FSTL5: variants seen among roughly 807,000 people sequenced by gnomAD.
FSTL5 encodes the protein follistatin-related protein 5.
A neutral mutation model predicts 89.1 loss-of-function variants in FSTL5; 62 were observed. The ratio of observed to expected loss-of-function variants is 0.70; its 90% CI spans 0.57 to 0.86. FSTL5 has a LOEUF of 0.86. Among genes scored for constraint, FSTL5 ranks in the 40% least tolerant of loss-of-function variants. FSTL5 has a pLI of 0.00. For missense variants in FSTL5, 1,057 were observed against 1,001.6 expected (o/e 1.06, Z -0.75); for synonymous variants, 383 against 346.2 (o/e 1.11, Z -1.18).
chr4:161,798,775 G>A (rs996160745), intron 4 of FSTL5, among the ~76,000 whole-genome samples: 7 of 151,554 alleles, frequency 4.6e-5, no homozygotes, highest in Non-Finnish European at 7.4e-5. Context: ...AAGATGAGAC[G>A]AGCCTAATTT....
At chr4:162,104,387 G>C (rs997211229) in intron 2 of FSTL5, among the ~76,000 whole-genome samples, 12 of 152,160 alleles carry the variant, frequency 7.9e-5, no homozygotes, top group Non-Finnish European at 1.2e-4. Flanking sequence ...CACGAGGCTT[G>C]CCACCATCTT....
At chr4:161,601,516 C>T (rs1488732762) in intron 7 of FSTL5, among the ~76,000 whole-genome samples, 2 of 151,984 alleles carry the variant, frequency 1.3e-5, no homozygotes, top group Non-Finnish European at 2.9e-5. Flanking sequence ...ATATAACTAC[C>T]TAAGGTTGAT....
chr4:161,390,442 GA>G (rs1166448153), intron 15 of FSTL5, among the ~76,000 whole-genome samples: 1 of 152,112 alleles, frequency 6.6e-6, no homozygotes, highest in Non-Finnish European at 1.5e-5. Flanking sequence ...CACAAAGCCT[GA>G]TAGAGTCAGT....
chr4:161,915,743 A>T (rs952843297), intron 4 of FSTL5, among the ~76,000 whole-genome samples: 6 of 151,796 alleles, frequency 4.0e-5, no homozygotes, highest in Admixed American at 2.6e-4. Flanking sequence ...ATCAACATGC[A>T]GTTTCAATTG....
At chr4:161,517,000 T>C (rs1213305708) in intron 10 of FSTL5, among the ~76,000 whole-genome samples, 1 of 152,140 alleles carries the variant, frequency 6.6e-6, no homozygotes, top group Non-Finnish European at 1.5e-5. Flanking sequence ...GCGATTCTTG[T>C]GCCTCAGCCT....
chr4:161,582,631 C>T (rs1733474413), intron 8 of FSTL5, among the ~76,000 whole-genome samples: 1 of 152,160 alleles, frequency 6.6e-6, no homozygotes, highest in Admixed American at 6.5e-5. Flanking sequence ...TAACTTACCC[C>T]ACCATTTCTA....
chr4:161,887,210 G>A lies in FSTL5; in HGVS notation c.409+33194C>T, dbSNP rs558026119. Among the ~76,000 whole-genome samples, 8 of 152,214 alleles carry A rather than the reference G, an allele frequency of 5.3e-5. No homozygotes were observed. The South Asian group carries it at 1.7e-3, about 32-fold the overall frequency. On this transcript the variant is annotated intron_variant, in intron 4 of 15. Coordinates refer to ENST00000306100, the MANE Select transcript of FSTL5 (RefSeq NM_020116.5). ...GCACAAATAAATTAAATTAAACATTGAGACCTCTGCTCAGAAAAGAACAAA... is the reference window on the plus strand; with the variant it reads ...GCACAAATAAATTAAATTAAACATTAAGACCTCTGCTCAGAAAAGAACAAA...
chr4:162,080,031 A>G (rs1243170026), intron 2 of FSTL5, among the ~76,000 whole-genome samples: 1 of 151,496 alleles, frequency 6.6e-6, no homozygotes, highest in Non-Finnish European at 1.5e-5. Flanking sequence ...TATGATACCA[A>G]CTTCAATCAG....
chr4:161,549,358 T>C (rs1430040796), intron 8 of FSTL5, among the ~76,000 whole-genome samples: 1 of 151,730 alleles, frequency 6.6e-6, no homozygotes, highest in Non-Finnish European at 1.5e-5. Flanking sequence ...TGTAAAACAA[T>C]ATATATCAGA....
chr4:161,786,130 A>G (rs1047883414), intron 4 of FSTL5, among the ~76,000 whole-genome samples: 12 of 152,086 alleles, frequency 7.9e-5, no homozygotes, highest in Admixed American at 6.5e-5. Context: ...AATTATTTCC[A>G]AAATACATCT....
At chr4:161,506,093 T>C (rs1423425250) in intron 11 of FSTL5, among the ~76,000 whole-genome samples, 1 of 152,092 alleles carries the variant, frequency 6.6e-6, no homozygotes, top group African/African-American at 2.4e-5. Flanking sequence ...TATTGCTCTG[T>C]CCCTCAGTTT....
intron 4 of FSTL5, among the ~76,000 whole-genome samples, chr4:161,800,801 G>A (rs1314722692): frequency 6.6e-6 from 1 of 151,466 alleles, no homozygotes; most frequent in Non-Finnish European, 1.5e-5. Context: ...GTGTTCTTCA[G>A]GAAGTATAAA....
chr4:161,639,110 A>G (rs922207886), intron 7 of FSTL5, among the ~76,000 whole-genome samples: 1 of 152,198 alleles, frequency 6.6e-6, no homozygotes, highest in South Asian at 2.1e-4. Context: ...GCCCTCTCTC[A>G]CCACTTCTAT....
intron 4 of FSTL5, among the ~76,000 whole-genome samples, chr4:161,794,377 C>A (rs754219960): frequency 1.3e-4 from 20 of 152,168 alleles, no homozygotes; most frequent in Admixed American, 3.3e-4. Context: ...ACCACAATTT[C>A]CTAGTTGCTT....
chr4:161,465,668 C>T (rs1733724742), intron 13 of FSTL5, among the ~76,000 whole-genome samples: 2 of 152,134 alleles, frequency 1.3e-5, no homozygotes, highest in African/African-American at 2.4e-5. Context: ...ATGAGACTTA[C>T]TTGTAGCTGG....
chr4:161,739,912 A>G (rs1739947510), intron 6 of FSTL5, among the ~76,000 whole-genome samples: 1 of 152,204 alleles, frequency 6.6e-6, no homozygotes, highest in South Asian at 2.1e-4. Context: ...TAAAACTTAA[A>G]GCATCCTTAT....
intron 8 of FSTL5, among the ~76,000 whole-genome samples, chr4:161,564,563 A>G (rs1010660260): frequency 3.3e-5 from 5 of 151,462 alleles, no homozygotes; most frequent in Non-Finnish European, 7.4e-5. Context: ...CTTTCAATAA[A>G]CAATTTACTA....
intron 6 of FSTL5, among the ~76,000 whole-genome samples, chr4:161,701,376 CA>C (rs1251519142): frequency 3.9e-5 from 6 of 152,092 alleles, no homozygotes; most frequent in Non-Finnish European, 7.4e-5. Flanking sequence ...TATTATTTTG[CA>C]TTCTCTAAAA....
At chr4:161,611,231 CATATATATATATATATATATATATAT>C (rs70937667) in intron 7 of FSTL5, among the ~76,000 whole-genome samples, 4 of 128,490 alleles carry the variant, frequency 3.1e-5, no homozygotes, top group Non-Finnish European at 6.5e-5. Flanking sequence ...TATGTGTATA[CATATATATATATATATATATATATAT>C]ATATATATAT....
Sources: gnomAD v4.1 joint callset for allele counts (sites outside exome capture counted in the v4.1 genomes callset) on GRCh38, gnomAD v4.1.1 for gene constraint, MANE v1.5 for transcripts, NCBI Gene and HGNC (gene_info 2026-07-23, HGNC 2026-07-21) for gene names.